The following IL1RAPL2 variants were observed in gnomAD, a reference collection of about 807,000 sequenced individuals.
IL1RAPL2 encodes interleukin 1 receptor accessory protein like 2.
A neutral mutation model predicts 44.1 loss-of-function variants in IL1RAPL2; 3 were observed. The observed-to-expected ratio is 0.07, with a 90% CI of 0.03 to 0.18. IL1RAPL2 has a LOEUF of 0.18. Among genes scored for constraint, IL1RAPL2 ranks in the 10% least tolerant of loss-of-function variants. The pLI, the probability that IL1RAPL2 is intolerant of heterozygous loss-of-function variation, is 1.00. For synonymous variants in IL1RAPL2, 181 were observed against 178.8 expected, an observed-to-expected ratio of 1.01 and a Z score of -0.10; for missense variants, 391 against 496.4, an observed-to-expected ratio of 0.79 and a Z score of 2.02.
intron 6 of IL1RAPL2, among the ~76,000 whole-genome samples, chrX:105,655,934 C>T (rs1256277044): frequency 8.9e-6 from 1 of 111,778 alleles, no homozygotes; most frequent in East Asian, 2.8e-4. Flanking sequence ...ATGAGGTATC[C>T]ATCCCCTTAT....
intron 2 of IL1RAPL2, among the ~76,000 whole-genome samples, chrX:104,780,290 C>T (rs1441767841): frequency 1.8e-5 from 2 of 112,076 alleles, no homozygotes; most frequent in Non-Finnish European, 3.8e-5. Flanking sequence ...CACTGATAGC[C>T]TCTGAAAAGT....
chrX:105,176,587 C>T (rs948390896), intron 2 of IL1RAPL2, among the ~76,000 whole-genome samples: 1 of 110,583 alleles, frequency 9.0e-6, no homozygotes, highest in Non-Finnish European at 1.9e-5. Context: ...TCAACTGGCA[C>T]CTCCACTGTG....
chrX:104,903,769 G>C (rs1322766263), intron 2 of IL1RAPL2, among the ~76,000 whole-genome samples: 2 of 110,023 alleles, frequency 1.8e-5, no homozygotes, highest in South Asian at 7.9e-4. Context: ...AGTAGAAGCG[G>C]GATTTTGCCG....
chrX:104,782,578 A>G (rs1932780227), intron 2 of IL1RAPL2, among the ~76,000 whole-genome samples: 1 of 111,820 alleles, frequency 8.9e-6, no homozygotes, highest in African/African-American at 3.3e-5. Flanking sequence ...AGTTGTTACC[A>G]TTATAATATT....
chrX:105,644,773 C>G (rs149322147), intron 6 of IL1RAPL2, among the ~76,000 whole-genome samples: 5 of 110,290 alleles, frequency 4.5e-5, no homozygotes, highest in South Asian at 4.0e-4. Context: ...CCATGCCCCC[C>G]CAACAGGCCT....
intron 5 of IL1RAPL2, among the ~76,000 whole-genome samples, chrX:105,370,313 T>A (rs1391313937): frequency 9.0e-6 from 1 of 111,726 alleles, no homozygotes; most frequent in Non-Finnish European, 1.9e-5. Context: ...GTACAGATTA[T>A]TTTGTCACCC....
chrX:104,801,395 C>T (rs1023957538), intron 2 of IL1RAPL2, among the ~76,000 whole-genome samples: 1 of 111,103 alleles, frequency 9.0e-6, no homozygotes, highest in African/African-American at 3.3e-5. Flanking sequence ...TGTTGCATGC[C>T]TTCCTAATAG....
intron 1 of IL1RAPL2, among the ~76,000 whole-genome samples, chrX:104,576,049 C>T (rs1313473360): frequency 8.9e-6 from 1 of 112,099 alleles, no homozygotes; most frequent in African/African-American, 3.2e-5. Flanking sequence ...TGATAGCTAA[C>T]ATTCAGTGGA....
chrX:105,306,067 C>G (rs2034734885), intron 5 of IL1RAPL2, among the ~76,000 whole-genome samples: 1 of 111,452 alleles, frequency 9.0e-6, no homozygotes, highest in African/African-American at 3.3e-5. Context: ...ATACAAGAAA[C>G]ACCTAAATAC....
intron 6 of IL1RAPL2, among the ~76,000 whole-genome samples, chrX:105,504,528 A>G (rs1214170021): frequency 6.3e-5 from 7 of 111,654 alleles, no homozygotes; most frequent in Non-Finnish European, 1.3e-4. Flanking sequence ...ATCAGAAAAA[A>G]AATGAATAAA....
At chrX:105,424,236 A>G (rs1187832796) in intron 5 of IL1RAPL2, among the ~76,000 whole-genome samples, 1 of 112,193 alleles carries the variant, frequency 8.9e-6, no homozygotes, top group African/African-American at 3.2e-5. Flanking sequence ...TACATTTTAG[A>G]GAGACATGAG....
At chrX:105,396,545 A>G (rs2035564631) in intron 5 of IL1RAPL2, among the ~76,000 whole-genome samples, 1 of 101,509 alleles carries the variant, frequency 9.9e-6, no homozygotes, top group East Asian at 3.4e-4. Context: ...TAATCCATTC[A>G]GACAGTAGCT....
chrX:104,945,469 A>G (rs768801893), intron 2 of IL1RAPL2, among the ~76,000 whole-genome samples: 2 of 111,186 alleles, frequency 1.8e-5, no homozygotes, highest in East Asian at 5.7e-4. Context: ...GAAAATGTTT[A>G]AATGATCAAA....
At chrX:105,156,757 A>C (rs1835232353) in intron 2 of IL1RAPL2, among the ~76,000 whole-genome samples, 1 of 112,489 alleles carries the variant, frequency 8.9e-6, no homozygotes, top group Admixed American at 9.4e-5. Context: ...CAGAGAAAAG[A>C]ATATCTCTAC....
intron 5 of IL1RAPL2, among the ~76,000 whole-genome samples, chrX:105,345,110 T>G (rs1219619044): frequency 8.9e-6 from 1 of 111,920 alleles, no homozygotes; most frequent in Non-Finnish European, 1.9e-5. Context: ...CCGAGTTTCA[T>G]TTTTAAAATA....
intron 6 of IL1RAPL2, among the ~76,000 whole-genome samples, chrX:105,677,915 A>AGCTATTC (rs1384372748): frequency 8.9e-6 from 1 of 112,087 alleles, no homozygotes; most frequent in Non-Finnish European, 1.9e-5. Context: ...AATGAAGTGA[A>AGCTATTC]GCTATTCGAG....
intron 1 of IL1RAPL2, among the ~76,000 whole-genome samples, chrX:104,603,370 AT>A (rs903811969): frequency 4.5e-5 from 5 of 111,836 alleles, no homozygotes; most frequent in Non-Finnish European, 7.5e-5. Context: ...ATGGCTGAAA[AT>A]TCCAAAAACC....
At chrX:104,797,057 G>A (rs1932853287) in intron 2 of IL1RAPL2, among the ~76,000 whole-genome samples, 1 of 110,435 alleles carries the variant, frequency 9.1e-6, no homozygotes, top group Non-Finnish European at 1.9e-5. Flanking sequence ...ATAGGTGTGA[G>A]CCACCACGTC....
chrX:105,333,537 T>C (rs2147695109), intron 5 of IL1RAPL2, among the ~76,000 whole-genome samples: 1 of 111,486 alleles, frequency 9.0e-6, no homozygotes, highest in Admixed American at 9.6e-5. Flanking sequence ...GTTAAAAAGT[T>C]TCTGCATGGC....
Sources: gnomAD v4.1 joint callset for allele counts (sites outside exome capture counted in the v4.1 genomes callset) on GRCh38, gnomAD v4.1.1 for gene constraint, MANE v1.5 for transcripts, NCBI Gene and HGNC (gene_info 2026-07-23, HGNC 2026-07-21) for gene names.